Variants in SERINC5 observed in about 807,000 individuals in gnomAD.
SERINC5 encodes the protein serine incorporator 5.
SERINC5 carries 41 observed loss-of-function variants against 63.1 expected under a neutral mutation model. That is an observed-to-expected ratio of 0.65 (90% CI 0.51 to 0.84). SERINC5 has a LOEUF of 0.84. Among genes scored for constraint, SERINC5 ranks in the 40% least tolerant of loss-of-function variants. The pLI, the probability that SERINC5 is intolerant of heterozygous loss-of-function variation, is 0.00. For synonymous variants in SERINC5, 222 were observed against 215.2 expected, an observed-to-expected ratio of 1.03 and a Z score of -0.28; for missense variants, 523 against 573.0, an observed-to-expected ratio of 0.91 and a Z score of 0.89.
chr5:80,133,508 G>A (rs1745030822), intron 11 of SERINC5, among the ~76,000 whole-genome samples: 2 of 152,258 alleles, frequency 1.3e-5, no homozygotes. Flanking sequence ...AGTTGATAAC[G>A]TACAGAAAGA....
intron 2 of SERINC5, among the ~76,000 whole-genome samples, chr5:80,201,818 C>T (rs984114165): frequency 6.6e-6 from 1 of 152,198 alleles, no homozygotes; most frequent in Non-Finnish European, 1.5e-5. Context: ...CACCACTCAC[C>T]CTACAAGTAA....
intron 1 of SERINC5, among the ~76,000 whole-genome samples, chr5:80,238,253 T>A (rs1314220998): frequency 2.0e-5 from 3 of 152,092 alleles, no homozygotes; most frequent in Non-Finnish European, 4.4e-5. Flanking sequence ...GCAAAATGAT[T>A]TGCATAAAGT....
intron 1 of SERINC5, among the ~76,000 whole-genome samples, chr5:80,250,596 G>C (rs150902314): frequency 0.016 from 2,444 of 152,318 alleles, 69 homozygotes; most frequent in African/African-American, 0.056. Context: ...AAAGTGCTGG[G>C]ATTATAGGCG....
intron 1 of SERINC5, among the ~76,000 whole-genome samples, chr5:80,247,872 G>A (rs1479497397): frequency 1.3e-5 from 2 of 152,108 alleles, no homozygotes; most frequent in Non-Finnish European, 2.9e-5. Flanking sequence ...GTTTAAGACA[G>A]GGTCTCACTC....
intron 11 of SERINC5, chr5:80,113,729 C>G (rs779810564): frequency 6.4e-6 from 1 of 156,680 alleles, no homozygotes; most frequent in East Asian, 1.8e-4. Flanking sequence ...AAGAATAGCA[C>G]GAGAAAGACC....
chr5:80,203,698 G>A (rs1006494228), intron 1 of SERINC5, among the ~76,000 whole-genome samples: 7 of 152,016 alleles, frequency 4.6e-5, no homozygotes, highest in Non-Finnish European at 1.0e-4. Context: ...CTGGTGCAAG[G>A]GCTTCTAAAA....
intron 5 of SERINC5, among the ~76,000 whole-genome samples, chr5:80,173,244 AGG>A (rs1747784264): frequency 7.1e-6 from 1 of 140,414 alleles, no homozygotes; most frequent in African/African-American, 3.1e-5. Flanking sequence ...GAAGGAAGGA[AGG>A]AAGGAAGGAA....
At chr5:80,204,126 G>T (rs73128095) in intron 1 of SERINC5, among the ~76,000 whole-genome samples, 3,365 of 152,224 alleles carry the variant, frequency 0.022, 128 homozygotes, top group African/African-American at 0.077. Context: ...TCATCTGGCT[G>T]TTCATTTGTC....
At chr5:80,240,839 A>G (rs1269072312) in intron 1 of SERINC5, among the ~76,000 whole-genome samples, 1 of 151,738 alleles carries the variant, frequency 6.6e-6, no homozygotes, top group Non-Finnish European at 1.5e-5. Flanking sequence ...TGCCTGAATA[A>G]TTTTTTGATA....
chr5:80,177,758 T>A lies in SERINC5; in HGVS notation c.374+128A>T, dbSNP rs549578956. ...ATGTGGGTAAGTATCAATTCCACCT[T>A]CCCCTAAATCAACAATTTCAACTAG... is the stretch of plus-strand genomic sequence containing the variant. On this transcript the variant is annotated intron_variant, in intron 3 of 11. Coordinates refer to ENST00000507668, the MANE Select transcript of SERINC5 (RefSeq NM_001174072.3). The A allele has an allele frequency of 5.4e-5, 40 of 745,468 alleles. 2 individuals are homozygous for A. In the South Asian group the frequency reaches 7.8e-4, roughly 15 times the overall value. The allele number at this position is 745,468 out of a possible 1,614,324, so 46.2% of individuals were successfully genotyped here. A position where few individuals can be genotyped will look rare whatever the true frequency, so the allele number is the denominator to read the frequency against.
Position 80,140,998 on chromosome 5 carries a change from G to C in SERINC5, c.*2665C>G. On this transcript the variant is annotated 3_prime_UTR_variant, in exon 12 of 12. Coordinates refer to ENST00000507668, the MANE Select transcript of SERINC5 (RefSeq NM_001174072.3). ...TTGTTATAGGAACTCAAAGCCATTG[G>C]CACAATGTTTCCAGTTTCTCAAATC... 1 of 985,300 alleles carries C rather than the reference G, an allele frequency of 1.0e-6. No homozygotes were observed. The highest frequency in any genetic ancestry group is 4.7e-5 in the South Asian group (1 of 21,276). The allele number at this position is 985,300 out of a possible 1,614,324, so 61.0% of individuals were successfully genotyped here.
At position 80,160,737 on chromosome 5, in the gene SERINC5, T is replaced by G. The variant is rs114562228; in HGVS notation, c.860-1775A>C. The stretch of plus-strand genomic sequence containing the variant: ...TTGAGTCTTCACTATCATTCCACAC[T>G]CATGTCCATGTGTACACATTATTTA... On this transcript the variant is annotated intron_variant, in intron 7 of 11. Coordinates refer to ENST00000507668, the MANE Select transcript of SERINC5 (RefSeq NM_001174072.3). Among the ~76,000 whole-genome samples, 825 of 152,080 alleles carry G rather than the reference T, an allele frequency of 5.4e-3. 2 individuals carry two copies. The highest frequency in any genetic ancestry group is 0.014 in the African/African-American group (591 of 41,482).
At chr5:80,148,381 G>T (rs1392303715) in intron 9 of SERINC5, among the ~76,000 whole-genome samples, 6 of 151,448 alleles carry the variant, frequency 4.0e-5, no homozygotes, top group African/African-American at 1.5e-4. Flanking sequence ...GTAGAGACGG[G>T]GTTTTTCCAT....
downstream of SERINC5, among the ~76,000 whole-genome samples, chr5:80,135,155 C>A (rs1470209059): frequency 6.6e-6 from 1 of 152,146 alleles, no homozygotes; most frequent in Non-Finnish European, 1.5e-5. Flanking sequence ...CCTCTGCCTC[C>A]CTGGAGTAGC....
At chr5:80,214,558 A>T (rs879911296) in intron 1 of SERINC5, among the ~76,000 whole-genome samples, 2 of 89,634 alleles carry the variant, frequency 2.2e-5, no homozygotes, top group African/African-American at 4.0e-5. Flanking sequence ...GCATTAAAAA[A>T]ACAAAAAAAA....
chr5:80,145,199 A>T (rs1745740096), intron 11 of SERINC5, among the ~76,000 whole-genome samples: 1 of 151,918 alleles, frequency 6.6e-6, no homozygotes, highest in South Asian at 2.1e-4. Flanking sequence ...AAAAAAAATT[A>T]GCCAGTGTGG....
chr5:80,137,167 A>C (rs1037556211), downstream of SERINC5, among the ~76,000 whole-genome samples: 1 of 148,142 alleles, frequency 6.8e-6, no homozygotes, highest in Non-Finnish European at 1.5e-5. Context: ...AAAAAAACAA[A>C]AAAAACACCT....
intron 2 of SERINC5, among the ~76,000 whole-genome samples, chr5:80,183,731 T>A (rs1748608719): frequency 6.6e-6 from 1 of 150,868 alleles, no homozygotes; most frequent in Non-Finnish European, 1.5e-5. Flanking sequence ...AACAACCCCC[T>A]TTGACTGTAA....
intron 8 of SERINC5, among the ~76,000 whole-genome samples, chr5:80,156,242 G>T (rs756956164): frequency 2.0e-5 from 3 of 152,126 alleles, no homozygotes; most frequent in Admixed American, 6.5e-5. Context: ...CCACACGGAC[G>T]ATGTGGCCTT....
Sources: allele counts gnomAD v4.1 joint callset (sites outside exome capture counted in the v4.1 genomes callset), GRCh38; gene constraint gnomAD v4.1.1; transcripts MANE v1.5; gene names NCBI Gene and HGNC (gene_info 2026-07-23, HGNC 2026-07-21).